CTNND2: variants seen among roughly 807,000 people sequenced by gnomAD.
The protein encoded by CTNND2 is catenin delta-2.
In CTNND2, 22 loss-of-function variants were observed where a neutral mutation model predicts 144.4. That is an observed-to-expected ratio of 0.15 (90% CI 0.11 to 0.22). The LOEUF is 0.22. Ranked by LOEUF, CTNND2 falls within the 10% of genes least tolerant of loss-of-function variation. The pLI is 1.00. For synonymous variants in CTNND2, 751 were observed against 695.6 expected (o/e 1.08, Z -1.25); for missense variants, 1,353 against 1,618.8 (o/e 0.84, Z 2.82).
chr5:11,435,587 C>T (rs1462461310), intron 3 of CTNND2, among the ~76,000 whole-genome samples: 2 of 152,218 alleles, frequency 1.3e-5, no homozygotes, highest in Admixed American at 6.5e-5. Flanking sequence ...TGTTCCCATA[C>T]ATTTTTATAC....
At chr5:11,325,799 G>A (rs1252488144) in intron 9 of CTNND2, among the ~76,000 whole-genome samples, 1 of 151,714 alleles carries the variant, frequency 6.6e-6, no homozygotes, top group Non-Finnish European at 1.5e-5. Flanking sequence ...CCAGCCACCC[G>A]ATGCTGCCCT....
chr5:11,233,706 GT>G (rs1379334955), intron 10 of CTNND2, among the ~76,000 whole-genome samples: 2 of 141,590 alleles, frequency 1.4e-5, no homozygotes, highest in East Asian at 4.2e-4. Context: ...CCTTATTAGA[GT>G]TTACGTGTCT....
chr5:11,128,757 TAA>T (rs562218504), intron 12 of CTNND2, among the ~76,000 whole-genome samples: 1 of 36,982 alleles, frequency 2.7e-5, no homozygotes, highest in Non-Finnish European at 4.3e-5. Context: ...ATATTATATA[TAA>T]ATATATATAT....
chr5:11,884,700 GA>G (rs1736389477), intron 1 of CTNND2, among the ~76,000 whole-genome samples: 1 of 151,606 alleles, frequency 6.6e-6, no homozygotes, highest in African/African-American at 2.4e-5. Flanking sequence ...GTACTATCTT[GA>G]AAAAAAGTAG....
intron 2 of CTNND2, among the ~76,000 whole-genome samples, chr5:11,618,800 T>C (rs77574649): frequency 0.037 from 5,694 of 152,312 alleles, 175 homozygotes; most frequent in Middle Eastern, 0.082. Flanking sequence ...TAATTTTACA[T>C]ATATTGAGTA....
At chr5:11,840,862 C>T (rs1655406953) in intron 1 of CTNND2, among the ~76,000 whole-genome samples, 1 of 152,124 alleles carries the variant, frequency 6.6e-6, no homozygotes, top group Non-Finnish European at 1.5e-5. Flanking sequence ...AATTTGGAAA[C>T]TCCACTTTTT....
At chr5:11,285,833 T>C in intron 9 of CTNND2, among the ~76,000 whole-genome samples, 1 of 67,122 alleles carries the variant, frequency 1.5e-5, no homozygotes, top group African/African-American at 5.7e-5. Flanking sequence ...CCAGGGGGTT[T>C]ATTTCCAGGA....
At chr5:10,992,949 C>G (rs560291010) in intron 18 of CTNND2, among the ~76,000 whole-genome samples, 2 of 152,148 alleles carry the variant, frequency 1.3e-5, no homozygotes, top group South Asian at 4.2e-4. Context: ...TGGTCAGAAG[C>G]TTCGACTTCG....
At chr5:11,200,747 C>T (rs1350110449) in intron 10 of CTNND2, among the ~76,000 whole-genome samples, 6 of 152,140 alleles carry the variant, frequency 3.9e-5, no homozygotes, top group Non-Finnish European at 7.4e-5. Context: ...GGCGCCATCT[C>T]GGCTCACTGC....
chr5:11,063,552 AGGGTAAAATTTTC>A (rs57341789), intron 16 of CTNND2, among the ~76,000 whole-genome samples: 28,788 of 152,018 alleles, frequency 0.19, 5,252 homozygotes, highest in East Asian at 0.57. Context: ...TACATTAATC[AGGGTAAAATTTTC>A]GGGGGAGGTA....
chr5:11,389,835 T>C (rs571528320), intron 6 of CTNND2, among the ~76,000 whole-genome samples: 16 of 131,342 alleles, frequency 1.2e-4, no homozygotes, highest in African/African-American at 3.9e-4. Context: ...ACCTGACACC[T>C]TTGCTTTCTG....
chr5:11,129,694 G>A (rs1216292397), intron 12 of CTNND2, among the ~76,000 whole-genome samples: 1 of 151,934 alleles, frequency 6.6e-6, no homozygotes, highest in Non-Finnish European at 1.5e-5. Context: ...TGCTACAGTT[G>A]GCATTCTGTA....
At chr5:11,813,218 A>G (rs1792434696) in intron 1 of CTNND2, among the ~76,000 whole-genome samples, 1 of 152,240 alleles carries the variant, frequency 6.6e-6, no homozygotes, top group Non-Finnish European at 1.5e-5. Context: ...TATGTAGCCT[A>G]GAAGCAATGG....
intron 2 of CTNND2, among the ~76,000 whole-genome samples, chr5:11,699,611 G>A (rs1035430123): frequency 7.9e-5 from 12 of 152,088 alleles, no homozygotes; most frequent in Admixed American, 5.9e-4. Context: ...GAAAAGGGCC[G>A]AGATGAAAGG....
At chr5:11,000,070 C>T (rs144793592) in intron 18 of CTNND2, among the ~76,000 whole-genome samples, 1 of 152,166 alleles carries the variant, frequency 6.6e-6, no homozygotes, top group Non-Finnish European at 1.5e-5. Context: ...ATAACACTCT[C>T]CATTTTATAT....
chr5:11,854,115 C>T (rs1435380431), intron 1 of CTNND2, among the ~76,000 whole-genome samples: 1 of 152,224 alleles, frequency 6.6e-6, no homozygotes, highest in Non-Finnish European at 1.5e-5. Context: ...CCTTGTTGTT[C>T]CCAAAGCACG....
At chr5:11,281,422 T>A (rs1747102291) in intron 9 of CTNND2, among the ~76,000 whole-genome samples, 1 of 152,228 alleles carries the variant, frequency 6.6e-6, no homozygotes, top group South Asian at 2.1e-4. Flanking sequence ...TAGAATTTCA[T>A]GAAGCAACAG....
intron 14 of CTNND2, among the ~76,000 whole-genome samples, chr5:11,110,096 G>C (rs1186365634): frequency 6.6e-6 from 1 of 152,098 alleles, no homozygotes; most frequent in Admixed American, 6.5e-5. Flanking sequence ...TCCTCCCATC[G>C]CTCCCTGTCC....
chr5:11,646,495 G>A (rs1006036435), intron 2 of CTNND2, among the ~76,000 whole-genome samples: 1 of 152,096 alleles, frequency 6.6e-6, no homozygotes, highest in Non-Finnish European at 1.5e-5. Flanking sequence ...TTGCCTGAAC[G>A]TTTCCTTGGA....
Sources: allele counts gnomAD v4.1 joint callset (sites outside exome capture counted in the v4.1 genomes callset), GRCh38; gene constraint gnomAD v4.1.1; transcripts MANE v1.5; gene names NCBI Gene and HGNC (gene_info 2026-07-23, HGNC 2026-07-21).